RXRG: variants seen among roughly 807,000 people sequenced by gnomAD.
RXRG encodes the protein retinoid X receptor gamma.
A neutral mutation model predicts 49.2 loss-of-function variants in RXRG; 19 were observed. The observed-to-expected ratio is 0.39, with a 90% CI of 0.27 to 0.57. The LOEUF (loss-of-function observed/expected upper bound fraction) is 0.57, where lower values mean the gene tolerates loss of function less well. Among genes scored for constraint, RXRG ranks in the 20% least tolerant of loss-of-function variants. The pLI is 0.64. For synonymous variants in RXRG, 224 were observed against 216.6 expected (o/e 1.03, Z -0.30); for missense variants, 452 against 592.5 (o/e 0.76, Z 2.46).
chr1:165,428,602 C>G, intron 2 of RXRG, 117 bp downstream of exon 2: 1 of 1,259,236 alleles, frequency 7.9e-7, no homozygotes, highest in Non-Finnish European at 1.1e-6. Context: ...AGAGACCATT[C>G]AAACCCTTTG....
rs574583565 is a variant in RXRG at position 165,442,959 on chromosome 1, A to G, written c.49+1886T>C. On this transcript the variant is annotated intron_variant, in intron 1 of 9. Transcript: ENST00000359842. Reference sequence around the variant, plus strand: ...CTCTTTTCACTATATTAAAGCAACAATATTATAAATTTGAGTAAGGGCTTT... The same window carrying G: ...CTCTTTTCACTATATTAAAGCAACAGTATTATAAATTTGAGTAAGGGCTTT... 2.0e-5 allele frequency among the ~76,000 whole-genome samples: 3 copies of G among 152,272 alleles called. No homozygotes were observed. In the East Asian group the frequency reaches 5.8e-4, roughly 29 times the overall value.
chr1:165,441,542 A>T (rs537289996), intron 1 of RXRG, among the ~76,000 whole-genome samples: 2 of 152,376 alleles, frequency 1.3e-5, no homozygotes, highest in East Asian at 3.9e-4. Context: ...CTCTAAAAGG[A>T]GTACGAGAAC....
In RXRG at chr1:165,400,935, CAT is replaced by C. The variant is rs3831156; in HGVS notation, c.*326_*327del. On this transcript the variant is annotated 3_prime_UTR_variant, in exon 10 of 10. Coordinates refer to ENST00000359842, the MANE Select transcript of RXRG (RefSeq NM_006917.5). ...ATGCTCCAGCAGTGCCAATTTCACA[CAT>C]ATTATTTTATTACTCATTTGTTTGC... 7,733 of 224,020 alleles carry C rather than the reference CAT, an allele frequency of 0.035. 187 individuals are homozygous for C. Among genetic ancestry groups the C allele is most frequent in the East Asian group, 0.077 (564 of 7,312 alleles). 13.9% of individuals were successfully genotyped at this position (224,020 alleles called of 1,614,324 possible). A position where few individuals can be genotyped will look rare whatever the true frequency, so the allele number is the denominator to read the frequency against.
chr1:165,409,531 C>A, intron 7 of RXRG, 27 bp downstream of exon 7: 3 of 1,437,814 alleles, frequency 2.1e-6, no homozygotes, highest in East Asian at 2.6e-5. Context: ...ATAATACACA[C>A]AAATACTGGA....
chr1:165,434,278 GTA>G (rs201940538), intron 1 of RXRG, among the ~76,000 whole-genome samples: 35,900 of 129,754 alleles, frequency 0.28, 4,567 homozygotes, highest in South Asian at 0.33. Context: ...TTGCATGTGT[GTA>G]TGTGTGTGTG....
Position 165,411,057 on chromosome 1 carries a change from T to G in RXRG, c.675A>C (p.Glu225Asp). ...RSRERAESEA[E>D]CATSGHEDMP... ...TGTCTTCATGACCACTGGTAGCACA[T>G]TCTGCCTCACTCTCAGCTCGCTCTC... Residue 225 changes from glutamate to aspartate, a missense_variant, in exon 5 of 10, where the codon GAA becomes GAC. By Grantham distance (45) the Glu-to-Asp change is conservative. Coordinates refer to ENST00000359842, the MANE Select transcript of RXRG (RefSeq NM_006917.5). The G allele has an allele frequency of 3.1e-6, 5 of 1,614,156 alleles. No homozygotes were observed. Among genetic ancestry groups the G allele is most frequent in the Non-Finnish European group, 4.2e-6 (5 of 1,180,006 alleles).
chr1:165,420,589 GA>G (rs1371069645), intron 2 of RXRG, among the ~76,000 whole-genome samples: 29 of 152,282 alleles, frequency 1.9e-4, no homozygotes, highest in African/African-American at 6.3e-4. Flanking sequence ...AATGAGAAAG[GA>G]CATGTGTAAT....
chr1:165,402,546 ACT>A (rs3045155), intron 9 of RXRG, among the ~76,000 whole-genome samples: 26,867 of 151,898 alleles, frequency 0.18, 3,109 homozygotes, highest in African/African-American at 0.34. Flanking sequence ...TATCCTACAC[ACT>A]CACACATGCT....
At chr1:165,408,353 C>G (rs763948172) in intron 7 of RXRG, 35 bp from the exon 8 acceptor site, 2 of 1,476,422 alleles carry the variant, frequency 1.4e-6, no homozygotes, top group Non-Finnish European at 9.5e-7. Flanking sequence ...ATGAGAAAAC[C>G]GTAAGTAACA....
chr1:165,409,482 C>G, intron 7 of RXRG, 76 bp downstream of exon 7: 1 of 1,244,418 alleles, frequency 8.0e-7, no homozygotes, highest in Non-Finnish European at 1.0e-6. Flanking sequence ...CATGTATGTA[C>G]ACATGTGTAT....
intron 1 of RXRG, among the ~76,000 whole-genome samples, chr1:165,436,375 G>A (rs955092244): frequency 6.6e-6 from 1 of 152,170 alleles, no homozygotes; most frequent in African/African-American, 2.4e-5. Flanking sequence ...ATGGGGTAAG[G>A]GTTAACCTTC....
chr1:165,407,298 GAACT>G (rs1179082018), intron 8 of RXRG, among the ~76,000 whole-genome samples: 4 of 152,208 alleles, frequency 2.6e-5, no homozygotes, highest in African/African-American at 9.6e-5. Flanking sequence ...CTGCATTGAT[GAACT>G]AACTGCCTAA....
chr1:165,439,288 G>A (rs1658908325), intron 1 of RXRG, among the ~76,000 whole-genome samples: 1 of 149,084 alleles, frequency 6.7e-6, no homozygotes, highest in Non-Finnish European at 1.5e-5. Context: ...GAAGATGGGA[G>A]GAGTGGGAGC....
intron 1 of RXRG, among the ~76,000 whole-genome samples, chr1:165,441,569 A>T (rs1659004565): frequency 6.6e-6 from 1 of 151,970 alleles, no homozygotes; most frequent in Non-Finnish European, 1.5e-5. Flanking sequence ...AACAGTACCT[A>T]CTCCTAGGGT....
At chr1:165,437,458 G>T (rs1477469716) in intron 1 of RXRG, among the ~76,000 whole-genome samples, 2 of 152,182 alleles carry the variant, frequency 1.3e-5, no homozygotes, top group Non-Finnish European at 1.5e-5. Flanking sequence ...ATAATGTTCT[G>T]AATATTACCC....
intron 2 of RXRG, among the ~76,000 whole-genome samples, chr1:165,426,479 A>T (rs1164577938): frequency 2.0e-5 from 3 of 152,158 alleles, no homozygotes; most frequent in African/African-American, 7.2e-5. Context: ...GCCGTCTCCA[A>T]ATTATCTAAT....
At chr1:165,407,594 C>T (rs571963090) in intron 8 of RXRG, among the ~76,000 whole-genome samples, 10 of 152,310 alleles carry the variant, frequency 6.6e-5, no homozygotes, top group Admixed American at 2.0e-4. Flanking sequence ...GATGATCTCA[C>T]CCCAGTGTCA....
chr1:165,431,567 C>A (rs1658676477), intron 1 of RXRG, among the ~76,000 whole-genome samples: 1 of 152,210 alleles, frequency 6.6e-6, no homozygotes, highest in African/African-American at 2.4e-5. Flanking sequence ...AGGAAATTGA[C>A]TTTTCCTTCT....
At chr1:165,428,248 G>C (rs1658555154) in intron 2 of RXRG, among the ~76,000 whole-genome samples, 1 of 152,216 alleles carries the variant, frequency 6.6e-6, no homozygotes, top group Admixed American at 6.5e-5. Context: ...ATGTAATGCA[G>C]TCTGCCTTGT....
Sources: allele counts gnomAD v4.1 joint callset (sites outside exome capture counted in the v4.1 genomes callset), GRCh38; gene constraint gnomAD v4.1.1; transcripts MANE v1.5; gene names NCBI Gene and HGNC (gene_info 2026-07-23, HGNC 2026-07-21).